CNTNAP4: variants seen among roughly 807,000 people sequenced by gnomAD.
CNTNAP4 encodes contactin associated protein family member 4.
In CNTNAP4, 98 loss-of-function variants were observed where a neutral mutation model predicts 148.4. The observed-to-expected ratio is 0.66, with a 90% CI of 0.56 to 0.78. CNTNAP4 has a LOEUF of 0.78. Among genes scored for constraint, CNTNAP4 ranks in the 30% least tolerant of loss-of-function variants. The pLI, the probability that CNTNAP4 is intolerant of heterozygous loss-of-function variation, is 0.00. For missense variants in CNTNAP4, 1,935 were observed against 1,565.6 expected (o/e 1.24, Z -3.98); for synonymous variants, 730 against 565.1 (o/e 1.29, Z -4.14).
At chr16:76,302,308 G>A (rs1192395624) in intron 1 of CNTNAP4, among the ~76,000 whole-genome samples, 2 of 152,112 alleles carry the variant, frequency 1.3e-5, no homozygotes, top group Non-Finnish European at 2.9e-5. Flanking sequence ...CTAGAAATAT[G>A]AAGGATCAAT....
At chr16:76,491,589 G>A (rs2082223804) in intron 13 of CNTNAP4, among the ~76,000 whole-genome samples, 1 of 152,128 alleles carries the variant, frequency 6.6e-6, no homozygotes, top group African/African-American at 2.4e-5. Flanking sequence ...CATTGTTGGT[G>A]AATATTCATC....
chr16:76,491,894 C>T (rs1159211473), intron 13 of CNTNAP4, among the ~76,000 whole-genome samples: 1 of 152,002 alleles, frequency 6.6e-6, no homozygotes, highest in African/African-American at 2.4e-5. Context: ...ATCCATTCAT[C>T]AATGGACACT....
At chr16:76,327,530 C>G (rs1411013904) in intron 2 of CNTNAP4, among the ~76,000 whole-genome samples, 2 of 152,166 alleles carry the variant, frequency 1.3e-5, no homozygotes, top group African/African-American at 4.8e-5. Flanking sequence ...TTGTATGACA[C>G]TTACATCCTC....
At chr16:76,326,588 C>G (rs1962996429) in intron 2 of CNTNAP4, among the ~76,000 whole-genome samples, 1 of 152,060 alleles carries the variant, frequency 6.6e-6, no homozygotes. Flanking sequence ...GAAAATGTGG[C>G]ACATATACAC....
At chr16:76,371,223 A>G (rs1340718827) in intron 3 of CNTNAP4, among the ~76,000 whole-genome samples, 1 of 152,216 alleles carries the variant, frequency 6.6e-6, no homozygotes, top group East Asian at 1.9e-4. Context: ...CATGAGCTCC[A>G]GAGTTCACTG....
chr16:76,309,930 T>G, intron 1 of CNTNAP4: 2 of 701,670 alleles, frequency 2.9e-6, no homozygotes, highest in South Asian at 3.0e-5. Flanking sequence ...AGTCTCTTTT[T>G]CTTCCCCGTC....
intron 1 of CNTNAP4, among the ~76,000 whole-genome samples, chr16:76,315,705 C>T (rs1256780106): frequency 6.6e-6 from 1 of 152,076 alleles, no homozygotes; most frequent in African/African-American, 2.4e-5. Flanking sequence ...AGCGATTCTC[C>T]TGCCTCAGCC....
intron 3 of CNTNAP4, among the ~76,000 whole-genome samples, chr16:76,397,941 TATAC>T (rs61514829): frequency 0.54 from 1,009 of 1,856 alleles, 300 homozygotes; most frequent in Middle Eastern, 0.75. Flanking sequence ...TAATAGATTA[TATAC>T]ATATATATAT....
intron 2 of CNTNAP4, among the ~76,000 whole-genome samples, chr16:76,342,986 G>T (rs958403525): frequency 2.6e-5 from 4 of 152,068 alleles, no homozygotes; most frequent in Non-Finnish European, 5.9e-5. Context: ...GGGATGCCGT[G>T]TTTCAGCTGC....
At position 76,355,517 on chromosome 16, in the gene CNTNAP4, T is replaced by A. The variant is rs753318228; in HGVS notation, c.390+6T>A. ...GCCAAGAGGACAGCATCTGGGTATG[T>A]TCTTTAACAAAAGACATAGTCTCTC... On this transcript the variant is annotated splice_donor_region_variant and intron_variant, in intron 3 of 23. Coordinates refer to ENST00000611870, the MANE Select transcript of CNTNAP4 (RefSeq NM_033401.5). The A allele has an allele frequency of 4.4e-6, 7 of 1,584,360 alleles. No individual in the cohort carries two copies. The highest frequency in any genetic ancestry group is 4.3e-6 in the Non-Finnish European group (5 of 1,165,384).
intron 4 of CNTNAP4, among the ~76,000 whole-genome samples, chr16:76,437,159 G>T (rs913958714): frequency 1.3e-5 from 2 of 151,996 alleles, no homozygotes; most frequent in Admixed American, 6.6e-5. Context: ...TGTAGGCGGG[G>T]AGGCTAAGCC....
chr16:76,318,917 T>G (rs1962115168), intron 2 of CNTNAP4, among the ~76,000 whole-genome samples: 1 of 152,070 alleles, frequency 6.6e-6, no homozygotes, highest in South Asian at 2.1e-4. Flanking sequence ...ATAAAGGTCC[T>G]AGTATCTTAG....
intron 18 of CNTNAP4, among the ~76,000 whole-genome samples, chr16:76,537,295 C>G (rs990450680): frequency 6.6e-6 from 1 of 152,076 alleles, no homozygotes; most frequent in Non-Finnish European, 1.5e-5. Context: ...GTCAAGGGAG[C>G]CTAAACATTA....
At chr16:76,309,055 C>A (rs769871134) in intron 1 of CNTNAP4, among the ~76,000 whole-genome samples, 8 of 151,776 alleles carry the variant, frequency 5.3e-5, no homozygotes, top group Non-Finnish European at 1.0e-4. Context: ...ATCTTCCCAC[C>A]TTGGCCTTGA....
Position 76,560,621 on chromosome 16 carries a change from AG to A in CNTNAP4, c.*1939del, listed in dbSNP as rs1458330222. On this transcript the variant is annotated 3_prime_UTR_variant, in exon 24 of 24. Coordinates refer to ENST00000611870, the MANE Select transcript of CNTNAP4 (RefSeq NM_033401.5). ...GGGAGGTTTATTGGTGAAGCCTCAC[AG>A]TCCTCTGTGGTCTGCACTGCTAGAG... Among the ~76,000 whole-genome samples, 9 of 152,240 alleles carry A rather than the reference AG, an allele frequency of 5.9e-5. No individual in the cohort carries two copies. Among genetic ancestry groups the A allele is most frequent in the Admixed American group, 5.9e-4 (9 of 15,282 alleles).
At chr16:76,312,882 A>G (rs1961289637) in intron 1 of CNTNAP4, among the ~76,000 whole-genome samples, 1 of 152,182 alleles carries the variant, frequency 6.6e-6, no homozygotes, top group Non-Finnish European at 1.5e-5. Context: ...ACTTCCTAGC[A>G]CAGAGTGCTC....
At chr16:76,281,843 A>T (rs1042356051) in intron 1 of CNTNAP4, among the ~76,000 whole-genome samples, 2 of 151,976 alleles carry the variant, frequency 1.3e-5, no homozygotes, top group African/African-American at 4.8e-5. Context: ...GGTAAAAAAT[A>T]ATTATATGAA....
chr16:76,374,625 A>C (rs2015216323), intron 3 of CNTNAP4, among the ~76,000 whole-genome samples: 1 of 151,934 alleles, frequency 6.6e-6, no homozygotes, highest in East Asian at 1.9e-4. Flanking sequence ...ATGTACACAC[A>C]AACATTGAAT....
chr16:76,539,687 A>T, intron 19 of CNTNAP4, 32 bp from the exon 20 acceptor site: 1 of 1,547,138 alleles, frequency 6.5e-7, no homozygotes, highest in Non-Finnish European at 8.7e-7. Flanking sequence ...TACGATTTTT[A>T]CTAAAAGAAT....
Sources: allele counts gnomAD v4.1 joint callset (sites outside exome capture counted in the v4.1 genomes callset), GRCh38; gene constraint gnomAD v4.1.1; transcripts MANE v1.5; gene names NCBI Gene and HGNC (gene_info 2026-07-23, HGNC 2026-07-21).